FXYD5: variants seen among roughly 807,000 people sequenced by gnomAD.
The protein encoded by FXYD5 is FXYD domain-containing ion transport regulator 5.
FXYD5 carries 21 observed loss-of-function variants against 25.7 expected under a neutral mutation model. The observed-to-expected ratio is 0.82, with a 90% confidence interval of 0.58 to 1.18. The LOEUF is 1.18. Among genes scored for constraint, FXYD5 ranks in the 50% most tolerant of loss-of-function variants. FXYD5 has a pLI of 0.00. For synonymous variants in FXYD5, 101 were observed against 90.7 expected, an observed-to-expected ratio of 1.11 and a Z score of -0.64; for missense variants, 229 against 227.7, an observed-to-expected ratio of 1.01 and a Z score of -0.04.
intron 6 of FXYD5, among the ~76,000 whole-genome samples, chr19:35,164,591 G>T (rs928704392): frequency 5.3e-5 from 8 of 152,168 alleles, no homozygotes; most frequent in Admixed American, 1.3e-4. Context: ...TTGTGGGTCA[G>T]CAAGGACCTC....
At chr19:35,155,789 A>C (rs1191083397) in intron 2 of FXYD5, among the ~76,000 whole-genome samples, 178 bp downstream of exon 2, 1 of 152,162 alleles carries the variant, frequency 6.6e-6, no homozygotes, top group African/African-American at 2.4e-5. Context: ...CCCTCTTTGG[A>C]CACCTCAGAC....
intron 4 of FXYD5, chr19:35,159,522 A>C (rs1245577210): frequency 6.4e-7 from 1 of 1,550,466 alleles, no homozygotes; most frequent in African/African-American, 1.4e-5. Flanking sequence ...CAAGGCGCCT[A>C]TATCACAGCT....
chr19:35,160,952 T>C (rs2065399525), intron 5 of FXYD5, 151 bp downstream of exon 5: 1 of 584,556 alleles, frequency 1.7e-6, no homozygotes, highest in Admixed American at 3.0e-5. Flanking sequence ...TCAAAGTTAT[T>C]TGGGGAACCC....
rs2065397057 is a variant in FXYD5, at chr19:35,160,721, C to T, written c.212C>T (p.Pro71Leu). The T allele has an allele frequency of 5.6e-6, 9 of 1,612,030 alleles. No individual in the cohort carries two copies. The East Asian group carries it at 2.0e-4, about 36-fold the overall frequency. The part of the protein sequence containing the change: ...PTWPADETPQ[P>L]QTQTQQLEGT... The stretch of plus-strand genomic sequence containing the variant: ...CTGACCTGAATAGAAACACCACAAC[C>T]CCAGACCCAGACCCAGCAACTGGAA... Residue 71 changes from proline to leucine, a missense_variant, in exon 5 of 9, where the codon CCC becomes CTC. Coordinates refer to ENST00000392219, the MANE Select transcript of FXYD5 (RefSeq NM_014164.6).
Position 35,169,838 on chromosome 19 carries a change from T to C in FXYD5, c.*223T>C. Reference sequence around the variant, plus strand: ...GCGCCTTGGGGGCTGTCCCTCAAGTTATCTCCTCTGCTAAGACAAAAAGTA... The same window carrying C: ...GCGCCTTGGGGGCTGTCCCTCAAGTCATCTCCTCTGCTAAGACAAAAAGTA... On this transcript the variant is annotated 3_prime_UTR_variant, in exon 9 of 9. Coordinates refer to ENST00000392219, the MANE Select transcript of FXYD5 (RefSeq NM_014164.6). 3.5e-6 allele frequency: 2 copies of C among 573,744 alleles called. No homozygotes were observed. Among genetic ancestry groups the C allele is most frequent in the South Asian group, 2.0e-5 (1 of 49,110 alleles). The allele number at this position is 573,744 out of a possible 1,614,324, so 35.5% of individuals were successfully genotyped here.
chr19:35,158,984 C>T (rs987984662), intron 4 of FXYD5, among the ~76,000 whole-genome samples: 1 of 151,902 alleles, frequency 6.6e-6, no homozygotes, highest in Admixed American at 6.6e-5. Flanking sequence ...AAAAATTAGC[C>T]GAGTGCGTTG....
chr19:35,168,757 C>A (rs900860453), intron 8 of FXYD5, among the ~76,000 whole-genome samples: 1 of 152,124 alleles, frequency 6.6e-6, no homozygotes, highest in African/African-American at 2.4e-5. Flanking sequence ...GTCCTTCAGA[C>A]CTTTGTTCAA....
chr19:35,166,263 T>A lies in FXYD5; in HGVS notation c.425T>A (p.Leu142His). Reference sequence around the variant, plus strand: ...TTTCTCTCTGCAGATGAACACACCCTCCGGAAACGGGGGCTGTTGGTCGCA... The same window carrying A: ...TTTCTCTCTGCAGATGAACACACCCACCGGAAACGGGGGCTGTTGGTCGCA... The part of the protein sequence containing the change: ...DDPFFYDEHT[L>H]RKRGLLVAAV... The change falls in exon 8 of 9, where the codon CTC becomes CAC. Residue 142 changes from leucine to histidine, a missense_variant. By Grantham distance (99) the Leu-to-His change is moderately conservative. Coordinates refer to ENST00000392219, the MANE Select transcript of FXYD5 (RefSeq NM_014164.6). The A allele has an allele frequency of 6.2e-7, 1 of 1,611,958 alleles. No individual in the cohort carries two copies. Among genetic ancestry groups the A allele is most frequent in the Non-Finnish European group, 8.5e-7 (1 of 1,178,350 alleles).
rs767740800 is a variant in FXYD5, at chr19:35,166,260, C to T, written c.422C>T (p.Thr141Ile). The T allele has an allele frequency of 3.7e-6, 6 of 1,611,920 alleles. No individual in the cohort carries two copies. The African/African-American group carries it at 6.7e-5, about 18-fold the overall frequency. The change falls in exon 8 of 9, where the codon ACC (threonine) becomes ATC (isoleucine). Residue 141 changes from threonine (T) to isoleucine (I), a missense_variant. Thr to Ile is a moderately conservative substitution (Grantham distance 89, BLOSUM62 -1). Transcript: ENST00000392219. Reference protein sequence around the residue: ...EDDPFFYDEHTLRKRGLLVAA... With the variant: ...EDDPFFYDEHILRKRGLLVAA... ...ATTTTTCTCTCTGCAGATGAACACA[C>T]CCTCCGGAAACGGGGGCTGTTGGTC...
chr19:35,159,642 T>A, intron 4 of FXYD5: 1 of 1,549,634 alleles, frequency 6.5e-7, no homozygotes, highest in Non-Finnish European at 8.7e-7. Context: ...GCAAACGCAC[T>A]TGGAATATGT....
chr19:35,160,802 G>A lies in FXYD5; in HGVS notation c.292+1G>A. 6 of 1,591,774 alleles carry A rather than the reference G, an allele frequency of 3.8e-6. No homozygotes were observed. The highest frequency in any genetic ancestry group is 5.2e-6 in the Non-Finnish European group (6 of 1,159,598). On this transcript the variant is annotated splice_donor_variant, in intron 5 of 8. Transcript: ENST00000392219. LOFTEE classifies it high-confidence loss of function. The stretch of plus-strand genomic sequence containing the variant: ...GAGACACACAAGAGCACCAAAGCAG[G>A]TATAGCATGGGACTGAGAGCAGCAG...
chr19:35,164,127 G>T (rs771071955), intron 5 of FXYD5, 29 bp from the exon 6 acceptor site: 1 of 1,613,810 alleles, frequency 6.2e-7, no homozygotes, highest in East Asian at 2.2e-5. Context: ...GCTCACTCCT[G>T]CCCTCCACTG....
intron 3 of FXYD5, among the ~76,000 whole-genome samples, chr19:35,157,914 C>T (rs529740800): frequency 6.6e-6 from 1 of 152,332 alleles, no homozygotes; most frequent in African/African-American, 2.4e-5. Context: ...GCTGATTGGC[C>T]AGGCCTGGGT....
At chr19:35,162,664 C>T (rs2065416410) in intron 5 of FXYD5, among the ~76,000 whole-genome samples, 1 of 152,088 alleles carries the variant, frequency 6.6e-6, no homozygotes. Context: ...TCCCAAAGGC[C>T]CTCGCTCCAA....
chr19:35,156,593 C>T (rs991122988), intron 2 of FXYD5, among the ~76,000 whole-genome samples: 6 of 152,144 alleles, frequency 3.9e-5, no homozygotes, highest in African/African-American at 1.2e-4. Flanking sequence ...ATGAGCTTTG[C>T]AGGTGTCTGG....
intron 4 of FXYD5, chr19:35,159,819 C>G: frequency 1.4e-6 from 1 of 726,042 alleles, no homozygotes; most frequent in Non-Finnish European, 2.1e-6. Context: ...AGGGACGCAG[C>G]TGGAATCGAA....
At chr19:35,165,550 C>G (rs762754014) in intron 6 of FXYD5, among the ~76,000 whole-genome samples, 1 of 151,910 alleles carries the variant, frequency 6.6e-6, no homozygotes, top group Non-Finnish European at 1.5e-5. Flanking sequence ...TTTACTGCAA[C>G]CTGTTTTATC....
In FXYD5 at chr19:35,157,446, C is replaced by A; in HGVS notation, c.87C>A (p.Ser29=). ...TRGQTLKDTT[S]SSSADSTIMD... is the part of the protein sequence containing the mutation. Reference sequence around the variant, plus strand: ...GACAGACGTTGAAAGATACCACGTCCAGTTCTTCAGCAGACTCAACTATCA... The same window carrying A: ...GACAGACGTTGAAAGATACCACGTCAAGTTCTTCAGCAGACTCAACTATCA... Residue 29 remains serine (S), a synonymous_variant, in exon 3 of 9, where the codon TCC becomes TCA. Transcript: ENST00000392219. The A allele has an allele frequency of 6.3e-7, 1 of 1,597,458 alleles. No individual in the cohort carries two copies. The highest frequency in any genetic ancestry group is 1.1e-5 in the South Asian group (1 of 90,782).
intron 5 of FXYD5, 92 bp downstream of exon 5, chr19:35,160,893 T>C (rs1315854765): frequency 3.8e-6 from 3 of 791,452 alleles, no homozygotes; most frequent in Non-Finnish European, 6.6e-6. Flanking sequence ...TCAGTGCCCC[T>C]GTTTGGGGAA....
Sources: allele counts gnomAD v4.1 joint callset (sites outside exome capture counted in the v4.1 genomes callset), GRCh38; gene constraint gnomAD v4.1.1; transcripts MANE v1.5; gene names NCBI Gene and HGNC (gene_info 2026-07-23, HGNC 2026-07-21).